The following SMIM24 variants were observed in gnomAD, a reference collection of about 807,000 sequenced individuals.
SMIM24 encodes small integral membrane protein 24.
Under a neutral mutation model 10.8 loss-of-function variants are expected in SMIM24, and 6 were observed. That is an observed-to-expected ratio of 0.55 (90% confidence interval 0.30 to 1.09). The LOEUF is 1.09. Ranked by LOEUF, SMIM24 falls within the 50% of genes least tolerant of loss-of-function variation. The probability of loss-of-function intolerance (pLI) is 0.06; values close to 1 mark genes in which losing one functional copy is unlikely to be tolerated. For missense variants in SMIM24, 151 were observed against 153.4 expected (o/e 0.98, Z 0.08); for synonymous variants, 71 against 62.4 (o/e 1.14, Z -0.65).
Position 3,474,802 on chromosome 19 carries a change from G to C in SMIM24, c.*41C>G. The stretch of plus-strand genomic sequence containing the variant: ...GCACTGCTTTTAGGGGGCAGAAGAG[G>C]CATCTCTGGGGGACTGCCTGGAAGA... On this transcript the variant is annotated 3_prime_UTR_variant, in exon 4 of 4. Coordinates refer to ENST00000215531, the MANE Select transcript of SMIM24 (RefSeq NM_001136503.2). 6.5e-7 allele frequency: 1 copy of C among 1,540,228 alleles called. No individual in the cohort carries two copies. The highest frequency in any genetic ancestry group is 8.7e-7 in the Non-Finnish European group (1 of 1,143,048).
intron 1 of SMIM24, among the ~76,000 whole-genome samples, chr19:3,479,947 A>G (rs1424670076): frequency 3.6e-5 from 4 of 111,532 alleles, no homozygotes; most frequent in African/African-American, 1.4e-4. Context: ...GAGGAGGCAG[A>G]GGCTCAGGGG....
chr19:3,477,554 G>T (rs2122020946), intron 3 of SMIM24, among the ~76,000 whole-genome samples: 1 of 148,770 alleles, frequency 6.7e-6, no homozygotes, highest in South Asian at 2.2e-4. Context: ...TGGGTGAGTG[G>T]GTGGATGGGT....
intron 3 of SMIM24, among the ~76,000 whole-genome samples, chr19:3,477,498 T>C (rs1376342435): frequency 7.1e-6 from 1 of 140,902 alleles, no homozygotes; most frequent in African/African-American, 2.7e-5. Flanking sequence ...GGATGGATGA[T>C]GGATGGATGG....
In SMIM24 at chr19:3,474,988, TTG is replaced by T. The variant is rs2082786954; in HGVS notation, c.246_247del (p.Asp82GlufsTer41). ...CTCCTTGGCCTCTTTCTTCTCTCTC[TTG>T]TCTTCACTGTAGGGATACAAAGGCC... On this transcript the variant is annotated frameshift_variant, in exon 4 of 4. Transcript: ENST00000215531. LOFTEE classifies it low-confidence loss of function (END_TRUNC). 3.9e-6 allele frequency: 6 copies of T among 1,551,350 alleles called. No homozygotes were observed. The highest frequency in any genetic ancestry group is 4.4e-6 in the Non-Finnish European group (5 of 1,146,946).
intron 3 of SMIM24, among the ~76,000 whole-genome samples, chr19:3,477,521 GGATGGA>G (rs1230855440): frequency 6.7e-6 from 1 of 149,256 alleles, no homozygotes; most frequent in Non-Finnish European, 1.5e-5. Context: ...GGTGGGTGAT[GGATGGA>G]TGGGTGAGTG....
chr19:3,474,823 G>C lies in SMIM24; in HGVS notation c.*20C>G. The stretch of plus-strand genomic sequence containing the variant: ...AGAGGCATCTCTGGGGGACTGCCTG[G>C]AAGAGGCAGCCAGGAATCTTCACAT... On this transcript the variant is annotated 3_prime_UTR_variant, in exon 4 of 4. Transcript: ENST00000215531. The C allele has an allele frequency of 6.5e-7, 1 of 1,549,528 alleles. No individual in the cohort carries two copies. The highest frequency in any genetic ancestry group is 8.7e-7 in the Non-Finnish European group (1 of 1,146,414).
chr19:3,474,950 TC>T lies in SMIM24; in HGVS notation c.285del (p.Arg96GlyfsTer66). 6.4e-7 allele frequency: 1 copy of T among 1,551,630 alleles called. No individual in the cohort carries two copies. Among genetic ancestry groups the T allele is most frequent in the Non-Finnish European group, 8.7e-7 (1 of 1,147,000 alleles). ...EKKEAKEKEEKRKKEKKTAKE... is the reference protein window; with the variant it reads ...EKKEAKEKEEXRKKEKKTAKE... The stretch of plus-strand genomic sequence containing the variant: ...TTTGCTGTCTTTTTCTCCTTCTTCC[TC>T]TTCTCTTCTTTCTCCTTGGCCTCTT... On this transcript the variant is annotated frameshift_variant, in exon 4 of 4. Transcript: ENST00000215531. LOFTEE classifies it low-confidence loss of function (END_TRUNC).
intron 3 of SMIM24, 24 bp from the exon 4 acceptor site, chr19:3,475,020 A>T: frequency 5.2e-6 from 8 of 1,548,424 alleles, no homozygotes; most frequent in Non-Finnish European, 7.0e-6. Context: ...AAGGCCCCAA[A>T]CCATAATAAG....
At position 3,478,854 on chromosome 19, in the gene SMIM24, A is replaced by C. The variant is rs1599751198; in HGVS notation, c.143T>G (p.Val48Gly). 6.5e-7 allele frequency: 1 copy of C among 1,549,678 alleles called. No individual in the cohort carries two copies. The highest frequency in any genetic ancestry group is 8.7e-7 in the Non-Finnish European group (1 of 1,146,648). Residue 48 changes from valine (V) to glycine (G), a missense_variant, in exon 2 of 4, where the codon GTC becomes GGC. Physicochemically the swap from Val to Gly is moderately radical, Grantham distance 109. Coordinates refer to ENST00000215531, the MANE Select transcript of SMIM24 (RefSeq NM_001136503.2). ...ACACCAGAGGCGGTTGGCCAGCAAG[A>C]CCAAATAGACGATGAACAGGAAGCC... ...VVGFLFIVYL[V>G]LLANRLWCSK...
chr19:3,474,618 A>G lies in SMIM24; in HGVS notation c.*225T>C. ...ATGCTCTCCGAGTATAAGAAGAATC[A>G]CCAGGCAGGGACCAAGCTCAGGAAG... On this transcript the variant is annotated 3_prime_UTR_variant, in exon 4 of 4. Transcript: ENST00000215531. 1.8e-6 allele frequency: 1 copy of G among 550,490 alleles called. No homozygotes were observed. Among genetic ancestry groups the G allele is most frequent in the Non-Finnish European group, 3.2e-6 (1 of 316,896 alleles). The allele number at this position is 550,490 out of a possible 1,614,324, so 34.1% of individuals were successfully genotyped here.
chr19:3,480,364 C>T (rs1201389375), intron 1 of SMIM24, 33 bp downstream of exon 1: 13 of 1,459,566 alleles, frequency 8.9e-6, no homozygotes, highest in Non-Finnish European at 1.2e-5. Flanking sequence ...CTCCCCTATC[C>T]CGCGACGCCC....
At position 3,474,175 on chromosome 19, in the gene SMIM24, G is replaced by A. The variant is rs2082783675; in HGVS notation, c.*668C>T. The A allele has an allele frequency of 6.6e-6, 1 of 151,662 alleles. No homozygotes were observed. The highest frequency in any genetic ancestry group is 2.0e-4 in the East Asian group (1 of 5,110). 9.4% of individuals were successfully genotyped at this position (151,662 alleles called of 1,614,324 possible). ...AAAGTCACGTGCCCCAAAACAAAGT[G>A]AGGTGGGGGAAGGAGCAAAGATTTG... On this transcript the variant is annotated 3_prime_UTR_variant, in exon 4 of 4. Coordinates refer to ENST00000215531, the MANE Select transcript of SMIM24 (RefSeq NM_001136503.2).
intron 3 of SMIM24, among the ~76,000 whole-genome samples, chr19:3,475,429 G>A (rs937837364): frequency 1.9e-4 from 29 of 152,000 alleles, no homozygotes; most frequent in Non-Finnish European, 3.8e-4. Context: ...TAGATGAGTG[G>A]ACAGGTGGGT....
Position 3,479,713 on chromosome 19 carries a change from C to A in SMIM24, c.67+684G>T, listed in dbSNP as rs1202375996. ...GCTCAGATGGGGAGGGGCTTGTGAA[C>A]TAGGGGGCTCAGAGTGGGAGGGGCT... On this transcript the variant is annotated intron_variant, in intron 1 of 3. Transcript: ENST00000215531. Among the ~76,000 whole-genome samples the A allele has an allele frequency of 2.2e-4, 10 of 46,266 alleles. 1 individual carries two copies. The South Asian group carries it at 8.9e-3, about 41-fold the overall frequency. The allele number at this position is 46,266 out of a possible 152,430, so 30.4% of individuals were successfully genotyped here.
chr19:3,479,919 G>C (rs948601412), intron 1 of SMIM24, among the ~76,000 whole-genome samples: 8 of 142,260 alleles, frequency 5.6e-5, no homozygotes, highest in Non-Finnish European at 1.2e-4. Flanking sequence ...AGGGGGCTCA[G>C]AGGGAGAGGG....
chr19:3,479,178 G>C (rs1222422498), intron 1 of SMIM24: 3 of 440,580 alleles, frequency 6.8e-6, no homozygotes, highest in African/African-American at 4.1e-5. Context: ...ATAAAAGAAG[G>C]GGGGCTTAGA....
intron 1 of SMIM24, 170 bp from the exon 2 acceptor site, chr19:3,479,099 G>T: frequency 1.7e-5 from 8 of 476,080 alleles, no homozygotes; most frequent in Non-Finnish European, 2.3e-5. Flanking sequence ...GGTCGGGAGG[G>T]TTTAGAGAGG....
At chr19:3,477,695 G>T (rs2082799706) in intron 3 of SMIM24, among the ~76,000 whole-genome samples, 1 of 141,764 alleles carries the variant, frequency 7.1e-6, no homozygotes, top group African/African-American at 2.6e-5. Context: ...ATGGATGGTG[G>T]GTGATGGATG....
intron 2 of SMIM24, 141 bp downstream of exon 2, chr19:3,478,677 C>CT (rs2082803579): frequency 2.3e-6 from 2 of 851,490 alleles, no homozygotes; most frequent in South Asian, 3.5e-5. Context: ...GATCTGGGCT[C>CT]TGAGAGTAGA....
Sources: gnomAD v4.1 joint callset for allele counts (sites outside exome capture counted in the v4.1 genomes callset) on GRCh38, gnomAD v4.1.1 for gene constraint, MANE v1.5 for transcripts, NCBI Gene and HGNC (gene_info 2026-07-23, HGNC 2026-07-21) for gene names.